VPS13B: variants seen among roughly 807,000 people sequenced by gnomAD.
The protein encoded by VPS13B is intermembrane lipid transfer protein VPS13B.
In VPS13B, 285 loss-of-function variants were observed where a neutral mutation model predicts 426.4. That is an observed-to-expected ratio of 0.67 (90% CI 0.61 to 0.74). The LOEUF is 0.74. Among genes scored for constraint, VPS13B ranks in the 30% least tolerant of loss-of-function variants. The probability of loss-of-function intolerance (pLI) is 0.00; values close to 1 mark genes in which losing one functional copy is unlikely to be tolerated. For missense variants in VPS13B, 4,537 were observed against 4,782.6 expected (o/e 0.95, Z 1.51); for synonymous variants, 1,676 against 1,676.4 (o/e 1.00, Z 0.01).
intron 20 of VPS13B, among the ~76,000 whole-genome samples, chr8:99,385,561 G>T (rs1363844595): frequency 6.6e-6 from 1 of 152,118 alleles, no homozygotes; most frequent in Non-Finnish European, 1.5e-5. Context: ...AGAATATAAG[G>T]CAGTATGCTG....
chr8:99,033,369 T>C (rs1057029716), intron 2 of VPS13B, among the ~76,000 whole-genome samples: 6 of 152,224 alleles, frequency 3.9e-5, no homozygotes, highest in African/African-American at 1.4e-4. Context: ...CTTTCTGCTC[T>C]CAATATCTAT....
At chr8:99,112,544 T>C (rs1003709328) in intron 6 of VPS13B, among the ~76,000 whole-genome samples, 1 of 152,206 alleles carries the variant, frequency 6.6e-6, no homozygotes, top group Non-Finnish European at 1.5e-5. Flanking sequence ...TTCTGTTACT[T>C]TTTCCTTCTA....
chr8:99,506,063 G>A (rs1821482031), intron 27 of VPS13B, among the ~76,000 whole-genome samples: 1 of 152,044 alleles, frequency 6.6e-6, no homozygotes, highest in African/African-American at 2.4e-5. Context: ...CTGCAACCCA[G>A]TTGATGGCTC....
At chr8:99,350,499 T>A (rs993421280) in intron 19 of VPS13B, among the ~76,000 whole-genome samples, 1 of 152,138 alleles carries the variant, frequency 6.6e-6, no homozygotes, top group Non-Finnish European at 1.5e-5. Flanking sequence ...AGGAGTTTGA[T>A]CTTAGTAGGG....
At chr8:99,762,225 C>T (rs1366611211) in intron 39 of VPS13B, among the ~76,000 whole-genome samples, 1 of 151,998 alleles carries the variant, frequency 6.6e-6, no homozygotes, top group Non-Finnish European at 1.5e-5. Context: ...AGGGTCTTAC[C>T]GAGTTGCCCA....
intron 35 of VPS13B, among the ~76,000 whole-genome samples, chr8:99,674,681 A>C (rs989199454): frequency 6.6e-6 from 1 of 151,910 alleles, no homozygotes; most frequent in East Asian, 1.9e-4. Flanking sequence ...TTTGTGGTTA[A>C]GTAAGTTTTC....
intron 28 of VPS13B, chr8:99,507,933 T>C (rs768500326): frequency 6.2e-7 from 1 of 1,613,964 alleles, no homozygotes. Context: ...CTTTAAATTA[T>C]GCTACACAAC....
chr8:99,234,416 G>A (rs1588161312), intron 17 of VPS13B: 1 of 677,386 alleles, frequency 1.5e-6, no homozygotes, highest in Non-Finnish European at 2.8e-6. Flanking sequence ...TTTAGAGACC[G>A]AGTAATCAAC....
intron 30 of VPS13B, among the ~76,000 whole-genome samples, chr8:99,555,590 A>G (rs1824516567): frequency 6.6e-6 from 1 of 152,162 alleles, no homozygotes; most frequent in Non-Finnish European, 1.5e-5. Context: ...CTGAACCAAC[A>G]AAACTTAACA....
intron 19 of VPS13B, among the ~76,000 whole-genome samples, chr8:99,371,014 C>A (rs1169793957): frequency 6.6e-6 from 1 of 152,116 alleles, no homozygotes; most frequent in East Asian, 1.9e-4. Context: ...TCACAAACCG[C>A]TTGAAATTTT....
chr8:99,672,475 G>A (rs74841075), intron 35 of VPS13B, among the ~76,000 whole-genome samples: 4,837 of 152,056 alleles, frequency 0.032, 100 homozygotes, highest in East Asian at 0.06. Context: ...TTTTAATCAC[G>A]CAAATTCACT....
chr8:99,516,787 CAAAAAAAAAAAAAAAAA>C (rs528490868), intron 29 of VPS13B, among the ~76,000 whole-genome samples: 2 of 16,686 alleles, frequency 1.2e-4, no homozygotes, highest in Admixed American at 7.4e-4. Flanking sequence ...GACCGTGTCT[CAAAAAAAAAAAAAAAAA>C]AAAAAAAAAA....
At position 99,661,387 on chromosome 8, in the gene VPS13B, A is replaced by G; in HGVS notation, c.5942A>G (p.Tyr1981Cys). The G allele has an allele frequency of 6.2e-7, 1 of 1,613,766 alleles. No individual in the cohort carries two copies. Among genetic ancestry groups the G allele is most frequent in the South Asian group, 1.1e-5 (1 of 91,082 alleles). The change falls in exon 35 of 62, where the codon TAT becomes TGT. Residue 1981 changes from tyrosine (Y) to cysteine (C), a missense_variant. Around this residue, in one of 2 missense-constraint regions of VPS13B, gnomAD observed 4,311 missense variants for 4,474.3 expected, o/e 0.96. Transcript: ENST00000357162. The part of the protein sequence containing the change: ...PGKTLPEALD[Y>C]CTVWLQTVPG... ...AAGACTCTGCCTGAAGCCCTTGATTATTGCACTGTTTGGCTACAGACAGTG... is the reference window on the plus strand; with the variant it reads ...AAGACTCTGCCTGAAGCCCTTGATTGTTGCACTGTTTGGCTACAGACAGTG...
intron 28 of VPS13B, 61 bp downstream of exon 28, chr8:99,507,264 T>A (rs1350180835): frequency 6.5e-7 from 1 of 1,534,822 alleles, no homozygotes; most frequent in Admixed American, 1.7e-5. Flanking sequence ...TATCTTGTTA[T>A]TTCATAAAAT....
chr8:99,100,466 T>G (rs1376893343), intron 4 of VPS13B, among the ~76,000 whole-genome samples: 1 of 152,016 alleles, frequency 6.6e-6, no homozygotes, highest in African/African-American at 2.4e-5. Context: ...AATTTTTGTA[T>G]TTTTGTAGAG....
chr8:99,336,661 T>C (rs148930786), intron 19 of VPS13B, among the ~76,000 whole-genome samples: 11,066 of 152,094 alleles, frequency 0.073, 487 homozygotes, highest in African/African-American at 0.12. Context: ...CAAACAAATT[T>C]ACAAGAAAAA....
At chr8:99,525,194 C>A (rs1369967552) in intron 30 of VPS13B, among the ~76,000 whole-genome samples, 1 of 151,968 alleles carries the variant, frequency 6.6e-6, no homozygotes, top group African/African-American at 2.4e-5. Context: ...AGTAGAGAGA[C>A]TAAAAGATGA....
At chr8:99,167,314 C>G (rs944750633) in intron 15 of VPS13B, among the ~76,000 whole-genome samples, 1 of 151,958 alleles carries the variant, frequency 6.6e-6, no homozygotes, top group Non-Finnish European at 1.5e-5. Context: ...TGCATACATA[C>G]CAACTTTTAA....
chr8:99,490,967 G>C (rs933090982), intron 25 of VPS13B, among the ~76,000 whole-genome samples: 7 of 151,986 alleles, frequency 4.6e-5, no homozygotes, highest in African/African-American at 1.7e-4. Context: ...GTTTGCTGTT[G>C]CTTCTCTAGT....
Sources: allele counts gnomAD v4.1 joint callset (sites outside exome capture counted in the v4.1 genomes callset), GRCh38; gene constraint gnomAD v4.1.1; regional missense constraint gnomAD v4.1.1; transcripts MANE v1.5; gene names NCBI Gene and HGNC (gene_info 2026-07-23, HGNC 2026-07-21).